CCDC7: variants seen among roughly 807,000 people sequenced by gnomAD.
The protein encoded by CCDC7 is coiled-coil domain containing 7.
A neutral mutation model predicts 196.9 loss-of-function variants in CCDC7; 183 were observed. That is an observed-to-expected ratio of 0.93 (90% CI 0.82 to 1.05). CCDC7 has a LOEUF of 1.05. CCDC7 is among the 50% of genes least tolerant of loss of function. The probability of loss-of-function intolerance (pLI) is 0.00; values close to 1 mark genes in which losing one functional copy is unlikely to be tolerated. For synonymous variants in CCDC7, 525 were observed against 484.6 expected, an observed-to-expected ratio of 1.08 and a Z score of -1.10; for missense variants, 1,540 against 1,482.2, an observed-to-expected ratio of 1.04 and a Z score of -0.64.
intron 20 of CCDC7, among the ~76,000 whole-genome samples, chr10:32,635,959 T>C (rs541828165): frequency 6.6e-6 from 1 of 152,318 alleles, no homozygotes; most frequent in East Asian, 1.9e-4. Flanking sequence ...TACTCTTCTT[T>C]ATGCCCTATT....
intron 28 of CCDC7, among the ~76,000 whole-genome samples, chr10:32,749,344 G>T (rs1244625166): frequency 6.6e-6 from 1 of 151,984 alleles, no homozygotes; most frequent in Non-Finnish European, 1.5e-5. Flanking sequence ...TCTCTTCATT[G>T]CTCTCTTTTG....
intron 13 of CCDC7, among the ~76,000 whole-genome samples, chr10:32,564,243 C>T (rs1173473312): frequency 4.6e-5 from 7 of 152,198 alleles, no homozygotes; most frequent in African/African-American, 1.2e-4. Context: ...GGCAGTGTGG[C>T]GATTCCTCAG....
intron 30 of CCDC7, among the ~76,000 whole-genome samples, chr10:32,807,224 A>G (rs1396471279): frequency 1.3e-5 from 2 of 152,226 alleles, no homozygotes; most frequent in African/African-American, 2.4e-5. Flanking sequence ...CCATATAAAT[A>G]TACTTCACTT....
chr10:32,460,628 T>TC (rs869271709), intron 3 of CCDC7, among the ~76,000 whole-genome samples: 1 of 5,382 alleles, frequency 1.9e-4, no homozygotes, highest in Admixed American at 3.8e-3. Context: ...GTGGACATTA[T>TC]TTCTAAACAC....
At chr10:32,647,249 C>G (rs1185872878) in intron 20 of CCDC7, among the ~76,000 whole-genome samples, 2 of 152,150 alleles carry the variant, frequency 1.3e-5, no homozygotes, top group East Asian at 1.9e-4. Flanking sequence ...GCTCACGCCA[C>G]TAATCCCAAC....
chr10:32,849,554 T>G (rs2093454906), intron 39 of CCDC7, among the ~76,000 whole-genome samples: 1 of 151,508 alleles, frequency 6.6e-6, no homozygotes, highest in Admixed American at 6.6e-5. Flanking sequence ...AATACAAAAA[T>G]TAGCTGGGCA....
intron 28 of CCDC7, among the ~76,000 whole-genome samples, chr10:32,741,823 C>T (rs902049487): frequency 6.6e-6 from 1 of 152,100 alleles, no homozygotes; most frequent in African/African-American, 2.4e-5. Flanking sequence ...GTGATTTTGT[C>T]AATATTTGCT....
At chr10:32,780,731 T>C (rs2080919030) in intron 29 of CCDC7, among the ~76,000 whole-genome samples, 1 of 151,890 alleles carries the variant, frequency 6.6e-6, no homozygotes, top group Non-Finnish European at 1.5e-5. Flanking sequence ...AGCAAAAAGG[T>C]ATAACATACA....
intron 41 of CCDC7, among the ~76,000 whole-genome samples, chr10:32,857,691 A>C (rs1002672446): frequency 2.6e-5 from 4 of 152,162 alleles, no homozygotes; most frequent in African/African-American, 9.6e-5. Context: ...AAAGATTCCA[A>C]ATAAATAGCC....
At chr10:32,643,561 C>T (rs1027527653) in intron 20 of CCDC7, among the ~76,000 whole-genome samples, 1 of 151,774 alleles carries the variant, frequency 6.6e-6, no homozygotes, top group African/African-American at 2.4e-5. Flanking sequence ...TTTGTTTCTT[C>T]TACCCAATCC....
chr10:32,734,212 G>A (rs987436635), intron 28 of CCDC7, among the ~76,000 whole-genome samples: 15 of 152,222 alleles, frequency 9.9e-5, no homozygotes, highest in African/African-American at 3.6e-4. Flanking sequence ...TCTGTATAAA[G>A]AAAATGTGGT....
intron 28 of CCDC7, among the ~76,000 whole-genome samples, chr10:32,746,917 C>T (rs2074858889): frequency 6.6e-6 from 1 of 152,262 alleles, no homozygotes; most frequent in East Asian, 1.9e-4. Flanking sequence ...CATCTGCAGA[C>T]AGCACTACGC....
In CCDC7 at chr10:32,726,977, G is replaced by T. The variant is rs949646786; in HGVS notation, c.2668+145G>T. On this transcript the variant is annotated intron_variant, in intron 26 of 41. Transcript: ENST00000639629. ...GCCCTGAAGTCTTAAGATAAGTAGA[G>T]AGCAAAAATGAAAATGTTAACTTCA... 1.1e-5 allele frequency: 6 copies of T among 529,920 alleles called. No homozygotes were observed. The African/African-American group carries it at 1.2e-4, about 10-fold the overall frequency. 32.8% of individuals were successfully genotyped at this position (529,920 alleles called of 1,614,324 possible). A position where few individuals can be genotyped will look rare whatever the true frequency, so the allele number is the denominator to read the frequency against.
intron 5 of CCDC7, among the ~76,000 whole-genome samples, chr10:32,464,546 G>T (rs2036352020): frequency 6.6e-6 from 1 of 152,000 alleles, no homozygotes; most frequent in Non-Finnish European, 1.5e-5. Context: ...TCTCATTCTG[G>T]TTGCCCTGGC....
chr10:32,510,684 A>G (rs1254434649), intron 9 of CCDC7, among the ~76,000 whole-genome samples: 2 of 152,190 alleles, frequency 1.3e-5, no homozygotes, highest in Non-Finnish European at 2.9e-5. Flanking sequence ...AAATTCATCC[A>G]TCAACATACA....
At chr10:32,676,296 G>T (rs1429565003) in intron 21 of CCDC7, among the ~76,000 whole-genome samples, 3 of 151,342 alleles carry the variant, frequency 2.0e-5, no homozygotes, top group African/African-American at 7.3e-5. Context: ...ATACCATTCA[G>T]GACATAGGCA....
At chr10:32,775,440 C>T (rs888737371) in intron 28 of CCDC7, among the ~76,000 whole-genome samples, 5 of 152,110 alleles carry the variant, frequency 3.3e-5, no homozygotes, top group African/African-American at 9.6e-5. Flanking sequence ...GACTTTCTGA[C>T]GTTGAGTACT....
chr10:32,642,628 G>C (rs2067038321), intron 20 of CCDC7, among the ~76,000 whole-genome samples: 1 of 152,188 alleles, frequency 6.6e-6, no homozygotes, highest in African/African-American at 2.4e-5. Flanking sequence ...GCCTCACCCT[G>C]CTTCAGCTTA....
At chr10:32,674,388 A>AT (rs1474764549) in intron 21 of CCDC7, among the ~76,000 whole-genome samples, 1 of 151,464 alleles carries the variant, frequency 6.6e-6, no homozygotes, top group Admixed American at 6.6e-5. Flanking sequence ...TGTATTTGTG[A>AT]TTTTTTTCCA....
Sources: allele counts gnomAD v4.1 joint callset (sites outside exome capture counted in the v4.1 genomes callset), GRCh38; gene constraint gnomAD v4.1.1; transcripts MANE v1.5; gene names NCBI Gene and HGNC (gene_info 2026-07-23, HGNC 2026-07-21).